SYNCRIP: variants seen among roughly 807,000 people sequenced by gnomAD.
SYNCRIP encodes the protein heterogeneous nuclear ribonucleoprotein Q.
In SYNCRIP, 9 loss-of-function variants were observed where a neutral mutation model predicts 68.9. The observed-to-expected ratio is 0.13, with a 90% CI of 0.08 to 0.23. The LOEUF (loss-of-function observed/expected upper bound fraction) is 0.23, where lower values mean the gene tolerates loss of function less well. SYNCRIP is among the 10% of genes least tolerant of loss of function. The pLI is 1.00. For missense variants in SYNCRIP, 414 were observed against 770.6 expected, an observed-to-expected ratio of 0.54 and a Z score of 5.48; for synonymous variants, 258 against 254.0, an observed-to-expected ratio of 1.02 and a Z score of -0.15.
intron 6 of SYNCRIP, among the ~76,000 whole-genome samples, chr6:85,631,293 C>A (rs938080933): frequency 6.8e-6 from 1 of 146,104 alleles, no homozygotes; most frequent in South Asian, 2.2e-4. Context: ...GAGCTGTGAT[C>A]GCACCACTGC....
In SYNCRIP at chr6:85,623,562, C is replaced by CCAAAAAAAAAAAAAAA. The variant is rs572909849; in HGVS notation, c.802+414_802+415insTTTTTTTTTTTTTTTG. On this transcript the variant is annotated intron_variant, in intron 7 of 10. Coordinates refer to ENST00000369622, the MANE Select transcript of SYNCRIP (RefSeq NM_006372.5). ...CTGGGCAACAAAGCAAGACTGTCTC[C>CCAAAAAAAAAAAAAAA]AAAAAAAAAAAAAAAAAAAAACACT... Among the ~76,000 whole-genome samples, 132 of 63,246 alleles carry CCAAAAAAAAAAAAAAA rather than the reference C, an allele frequency of 2.1e-3. 19 individuals carry two copies. Among genetic ancestry groups the CCAAAAAAAAAAAAAAA allele is most frequent in the East Asian group, 0.015 (26 of 1,720 alleles). The allele number at this position is 63,246 out of a possible 152,430, so 41.5% of individuals were successfully genotyped here. A position where few individuals can be genotyped will look rare whatever the true frequency, so the allele number is the denominator to read the frequency against.
intron 7 of SYNCRIP, among the ~76,000 whole-genome samples, chr6:85,623,571 A>AAAAAAAAAAAAAAAAAC (rs1562087648): frequency 5.4e-5 from 8 of 147,872 alleles, no homozygotes; most frequent in African/African-American, 2.1e-4. Flanking sequence ...CCAAAAAAAA[A>AAAAAAAAAAAAAAAAAC]AAAAAAAAAA....
At chr6:85,609,256 T>C (rs1388845918), downstream of SYNCRIP, 1 of 151,934 alleles carries the variant, frequency 6.6e-6, no homozygotes, top group Non-Finnish European at 1.5e-5. Flanking sequence ...CTCCTTAAAA[T>C]AGAGACTACG....
At chr6:85,640,899 CTCAATT>C (rs1463428561) in intron 2 of SYNCRIP, among the ~76,000 whole-genome samples, 5 of 152,168 alleles carry the variant, frequency 3.3e-5, no homozygotes, top group Non-Finnish European at 7.4e-5. Context: ...TGAACCTCTA[CTCAATT>C]TCAAATACCA....
At chr6:85,624,452 G>C (rs751998565) in intron 6 of SYNCRIP, among the ~76,000 whole-genome samples, 19 of 152,166 alleles carry the variant, frequency 1.2e-4, no homozygotes, top group Admixed American at 9.2e-4. Context: ...CTGATCCCAA[G>C]ATCAGCAAGA....
Position 85,614,856 on chromosome 6 carries a change from G to A in SYNCRIP, c.1772C>T (p.Ala591Val), listed in dbSNP as rs183343549. The A allele has an allele frequency of 3.1e-6, 5 of 1,614,176 alleles. No homozygotes were observed. The Admixed American group carries it at 8.3e-5, about 27-fold the overall frequency. The change falls in exon 11 of 11, where the codon GCT becomes GTT. Residue 591 changes from alanine to valine, a missense_variant. Ala to Val is a moderately conservative substitution (Grantham distance 64, BLOSUM62 0). Transcript: ENST00000369622. ...NNQNWGSQPI[A>V]QQPLQGGDHS... Reference sequence around the variant, plus strand: ...ATCACCACCTTGGAGCGGTTGCTGAGCAATGGGTTGGGAGCCCCAGTTCTG... The same window carrying A: ...ATCACCACCTTGGAGCGGTTGCTGAACAATGGGTTGGGAGCCCCAGTTCTG...
downstream of SYNCRIP, chr6:85,609,472 C>T (rs1208384724): frequency 1.3e-5 from 2 of 151,890 alleles, no homozygotes; most frequent in African/African-American, 4.8e-5. Flanking sequence ...GGAAACTTTA[C>T]ATTTTAAGTC....
intron 6 of SYNCRIP, among the ~76,000 whole-genome samples, chr6:85,634,122 C>T (rs1808152898): frequency 6.6e-6 from 1 of 152,128 alleles, no homozygotes; most frequent in Non-Finnish European, 1.5e-5. Context: ...TATTTAAAAA[C>T]TATATTAATA....
At chr6:85,633,889 TG>T (rs1191252662) in intron 6 of SYNCRIP, among the ~76,000 whole-genome samples, 1 of 152,138 alleles carries the variant, frequency 6.6e-6, no homozygotes, top group African/African-American at 2.4e-5. Flanking sequence ...ACCAAAGTGC[TG>T]GGACTACAGG....
chr6:85,619,872 T>A (rs1478956748), intron 8 of SYNCRIP, among the ~76,000 whole-genome samples: 2 of 152,234 alleles, frequency 1.3e-5, no homozygotes, highest in Admixed American at 1.3e-4. Flanking sequence ...CCAGCAATCC[T>A]GCTCCTTATT....
intron 7 of SYNCRIP, among the ~76,000 whole-genome samples, chr6:85,623,751 C>T (rs1806721597): frequency 6.6e-6 from 1 of 151,984 alleles, no homozygotes; most frequent in African/African-American, 2.4e-5. Context: ...GAATTCAAAC[C>T]CTAGCTGTAT....
At position 85,623,562 on chromosome 6, in the gene SYNCRIP, C is replaced by CCAAAAAAAAAAAAAA. The variant is rs572909849; in HGVS notation, c.802+414_802+415insTTTTTTTTTTTTTTG. Among the ~76,000 whole-genome samples, 215 of 63,254 alleles carry CCAAAAAAAAAAAAAA rather than the reference C, an allele frequency of 3.4e-3. 32 individuals are homozygous for CCAAAAAAAAAAAAAA. Among genetic ancestry groups the CCAAAAAAAAAAAAAA allele is most frequent in the East Asian group, 0.02 (34 of 1,722 alleles). 41.5% of individuals were successfully genotyped at this position (63,254 alleles called of 152,430 possible). ...CTGGGCAACAAAGCAAGACTGTCTC[C>CCAAAAAAAAAAAAAA]AAAAAAAAAAAAAAAAAAAAACACT... On this transcript the variant is annotated intron_variant, in intron 7 of 10. Transcript: ENST00000369622.
At chr6:85,612,588 T>G (rs1039005402), downstream of SYNCRIP, 1 of 236,178 alleles carries the variant, frequency 4.2e-6, no homozygotes, top group Non-Finnish European at 8.1e-6. Context: ...TAAAAGAACT[T>G]TATTCTTTAT....
At chr6:85,637,634 T>C (rs1408396792) in intron 4 of SYNCRIP, among the ~76,000 whole-genome samples, 1 of 152,182 alleles carries the variant, frequency 6.6e-6, no homozygotes, top group East Asian at 1.9e-4. Flanking sequence ...TTAAGACCAA[T>C]CCATCAGCAA....
At position 85,614,201 on chromosome 6, in the gene SYNCRIP, A is replaced by G; in HGVS notation, c.*555T>C. Reference sequence around the variant, plus strand: ...TTGTGAAAAACGAATTGTAAACACAATTTTAGTAAGTATACATTTAGGTGT... The same window carrying G: ...TTGTGAAAAACGAATTGTAAACACAGTTTTAGTAAGTATACATTTAGGTGT... On this transcript the variant is annotated 3_prime_UTR_variant, in exon 11 of 11. Coordinates refer to ENST00000369622, the MANE Select transcript of SYNCRIP (RefSeq NM_006372.5). The G allele has an allele frequency of 1.0e-6, 1 of 985,772 alleles. No homozygotes were observed. The allele number at this position is 985,772 out of a possible 1,614,324, so 61.1% of individuals were successfully genotyped here.
rs1392321201 is a variant in SYNCRIP, at chr6:85,641,504, G to A, written c.-12-53C>T. The A allele has an allele frequency of 4.6e-6, 7 of 1,527,858 alleles. No individual in the cohort carries two copies. In the African/African-American group the frequency reaches 6.9e-5, roughly 15 times the overall value. 94.6% of individuals were successfully genotyped at this position (1,527,858 alleles called of 1,614,324 possible). On this transcript the variant is annotated intron_variant, in intron 1 of 10. Transcript: ENST00000369622. ...ACTAGGATCTTCAAAAAGAATACAA[G>A]ACAATATGAGAGCCCCATCTTTACT...
chr6:85,610,114 TTGATC>T (rs1208662323), downstream of SYNCRIP: 5 of 152,004 alleles, frequency 3.3e-5, no homozygotes, highest in African/African-American at 7.2e-5. Context: ...CTGTTTTTCC[TTGATC>T]TGATAAGACT....
chr6:85,642,275 G>A (rs968769524), intron 1 of SYNCRIP, among the ~76,000 whole-genome samples: 8 of 152,004 alleles, frequency 5.3e-5, no homozygotes, highest in African/African-American at 1.9e-4. Flanking sequence ...CCCGGGCGCC[G>A]ACGACCCCCG....
chr6:85,641,593 T>C, intron 1 of SYNCRIP, 142 bp from the exon 2 acceptor site: 3 of 796,644 alleles, frequency 3.8e-6, no homozygotes, highest in South Asian at 4.2e-5. Context: ...ACAGTCACTA[T>C]CGCCTGACAA....
Sources: gnomAD v4.1 joint callset for allele counts (sites outside exome capture counted in the v4.1 genomes callset) on GRCh38, gnomAD v4.1.1 for gene constraint, MANE v1.5 for transcripts, NCBI Gene and HGNC (gene_info 2026-07-23, HGNC 2026-07-21) for gene names.